The following STK3 variants were observed in gnomAD, a reference collection of about 807,000 sequenced individuals.
STK3 encodes serine/threonine kinase 3, also known as serine/threonine-protein kinase 3.
STK3 carries 41 observed loss-of-function variants against 58.0 expected under a neutral mutation model. The observed-to-expected ratio is 0.71, with a 90% CI of 0.55 to 0.92. The LOEUF (loss-of-function observed/expected upper bound fraction) is 0.92, where lower values mean the gene tolerates loss of function less well. Among genes scored for constraint, STK3 ranks in the 40% least tolerant of loss-of-function variants. The pLI is 0.00. For missense variants in STK3, 479 were observed against 602.7 expected, an observed-to-expected ratio of 0.79 and a Z score of 2.15; for synonymous variants, 170 against 191.0, an observed-to-expected ratio of 0.89 and a Z score of 0.91.
chr8:98,351,244 G>A, the STK3 span, among the ~76,000 whole-genome samples: 1 of 152,052 alleles, frequency 6.6e-6, no homozygotes, highest in African/African-American at 2.4e-5. Context: ...TTCGTGTAGA[G>A]CATTAAATAC....
intron 3 of STK3, among the ~76,000 whole-genome samples, chr8:98,421,562 G>A (rs1818173798): frequency 6.6e-6 from 1 of 152,110 alleles, no homozygotes; most frequent in African/African-American, 2.4e-5. Flanking sequence ...TCACTTTTAA[G>A]GTCAGGAGTT....
At chr8:98,773,374 C>A (rs1053360266) in intron 2 of STK3, among the ~76,000 whole-genome samples, 7 of 152,042 alleles carry the variant, frequency 4.6e-5, no homozygotes, top group African/African-American at 9.7e-5. Context: ...TTAGTTGAAA[C>A]CTTTTAAACT....
In STK3 at chr8:98,800,360, C is replaced by T. The variant is rs771414843; in HGVS notation, c.26+25155G>A. The stretch of plus-strand genomic sequence containing the variant: ...CCTATCCAGCAGGAAGTAGTTAGAG[C>T]GGTCATCGGCCAAATTCCCAACAGC... On this transcript the variant is annotated intron_variant, in intron 1 of 10. Transcript: ENST00000419617. The surrounding 1 kb of genome is among the most constrained non-coding windows in gnomAD (Gnocchi z 4.8). Among the ~76,000 whole-genome samples the T allele has an allele frequency of 1.4e-4, 21 of 152,196 alleles. No homozygotes were observed. Among genetic ancestry groups the T allele is most frequent in the African/African-American group, 3.9e-4 (16 of 41,442 alleles).
At position 98,758,189 on chromosome 8, in the gene STK3, G is replaced by A. The variant is rs78751073; in HGVS notation, c.237-8799C>T. On this transcript the variant is annotated intron_variant, in intron 3 of 10. Coordinates refer to ENST00000419617, the MANE Select transcript of STK3 (RefSeq NM_006281.4). ...TTTTCCAGAAAGAAACCTTGGATCA[G>A]GCAGATTCATAGCTGAATTTTGCTA... is the stretch of plus-strand genomic sequence containing the variant. 4.0e-3 allele frequency among the ~76,000 whole-genome samples: 611 copies of A among 152,296 alleles called. 3 individuals carry two copies. Among genetic ancestry groups the A allele is most frequent in the Non-Finnish European group, 6.3e-3 (426 of 68,022 alleles).
chr8:98,767,830 A>C (rs1831041860), intron 2 of STK3, among the ~76,000 whole-genome samples: 1 of 152,212 alleles, frequency 6.6e-6, no homozygotes. Flanking sequence ...GGACCATATT[A>C]ACATCAAAGT....
chr8:98,802,457 T>C (rs2131631173), intron 1 of STK3, among the ~76,000 whole-genome samples: 1 of 152,264 alleles, frequency 6.6e-6, no homozygotes, highest in African/African-American at 2.4e-5. Context: ...AAGGATGCAG[T>C]ATATATAGGG....
chr8:98,893,795 G>T (rs941847439), intron 1 of STK3, among the ~76,000 whole-genome samples: 9 of 152,212 alleles, frequency 5.9e-5, no homozygotes, highest in African/African-American at 2.2e-4. Context: ...GTGCCATGGA[G>T]AAGCTGCAAG....
At chr8:98,414,916 T>C (rs778804969) in intron 3 of STK3, among the ~76,000 whole-genome samples, 4 of 152,222 alleles carry the variant, frequency 2.6e-5, no homozygotes, top group Admixed American at 6.5e-5. Flanking sequence ...GTAGGAGAGA[T>C]GCCCACTAAT....
At chr8:98,769,294 T>C (rs1232501191) in intron 2 of STK3, among the ~76,000 whole-genome samples, 2 of 152,200 alleles carry the variant, frequency 1.3e-5, no homozygotes, top group Non-Finnish European at 2.9e-5. Context: ...AATTCCCACC[T>C]GTTGTGGTAG....
intron 4 of STK3, among the ~76,000 whole-genome samples, chr8:98,739,930 G>A (rs1427320795): frequency 1.6e-4 from 24 of 151,494 alleles, no homozygotes; most frequent in African/African-American, 5.6e-4. Flanking sequence ...GCCAAGGCTC[G>A]AGAACTACGT....
At chr8:98,492,046 A>T (rs1290138876) in intron 10 of STK3, among the ~76,000 whole-genome samples, 2 of 152,230 alleles carry the variant, frequency 1.3e-5, no homozygotes, top group African/African-American at 2.4e-5. Context: ...TAAGACAGAA[A>T]CATCATATTT....
At chr8:98,884,314 C>G (rs1344344168) in intron 1 of STK3, among the ~76,000 whole-genome samples, 1 of 152,136 alleles carries the variant, frequency 6.6e-6, no homozygotes, top group African/African-American at 2.4e-5. Flanking sequence ...GCTCTGGGCA[C>G]TTACTCAGGG....
At chr8:98,803,766 T>C (rs914886943) in intron 1 of STK3, among the ~76,000 whole-genome samples, 4 of 152,018 alleles carry the variant, frequency 2.6e-5, no homozygotes, top group African/African-American at 9.7e-5. Context: ...AATTATAAAA[T>C]CAGTTTTAAA....
chr8:98,749,998 T>A (rs921007001), intron 3 of STK3, among the ~76,000 whole-genome samples: 1 of 152,118 alleles, frequency 6.6e-6, no homozygotes, highest in Non-Finnish European at 1.5e-5. Context: ...CAAATGACCA[T>A]CAGCAATAAT....
intron 6 of STK3, among the ~76,000 whole-genome samples, chr8:98,620,524 A>G (rs1287071818): frequency 6.6e-6 from 1 of 150,876 alleles, no homozygotes; most frequent in African/African-American, 2.4e-5. Flanking sequence ...CAAAAAAAAA[A>G]AGAAGATGTC....
At chr8:98,704,861 T>C (rs1825862089) in intron 6 of STK3, among the ~76,000 whole-genome samples, 1 of 152,182 alleles carries the variant, frequency 6.6e-6, no homozygotes, top group Admixed American at 6.5e-5. Context: ...CCAGCTCTTG[T>C]ACTTACCTAG....
Position 98,837,858 on chromosome 8 carries a change from G to C in STK3, c.110+45789C>G, listed in dbSNP as rs892171283. ...GACATGGAAGGATCACTTGAGCCCAGGAGTTTGAGGCTGCAGTGAGCTATG... is the reference window on the plus strand; with the variant it reads ...GACATGGAAGGATCACTTGAGCCCACGAGTTTGAGGCTGCAGTGAGCTATG... On this transcript the variant is annotated intron_variant, in intron 3 of 12. Transcript: ENST00000523601. Among the ~76,000 whole-genome samples, 4 of 152,246 alleles carry C rather than the reference G, an allele frequency of 2.6e-5. 1 individual carries two copies. In the South Asian group the frequency reaches 8.3e-4, roughly 32 times the overall value.
chr8:98,879,889 T>C (rs1203636999), downstream of STK3: 3 of 152,250 alleles, frequency 2.0e-5, no homozygotes, highest in African/African-American at 7.2e-5. Context: ...ATCAATTTGC[T>C]GTTTCAACAA....
chr8:98,802,209 A>T (rs1343519409), intron 1 of STK3, among the ~76,000 whole-genome samples: 1 of 152,018 alleles, frequency 6.6e-6, no homozygotes, highest in Non-Finnish European at 1.5e-5. Flanking sequence ...TTCTGTCAAA[A>T]TTTTTCCTAG....
Sources: allele counts gnomAD v4.1 joint callset (sites outside exome capture counted in the v4.1 genomes callset), GRCh38; gene constraint gnomAD v4.1.1; non-coding constraint Gnocchi (gnomAD v3.1); transcripts MANE v1.5; gene names NCBI Gene and HGNC (gene_info 2026-07-23, HGNC 2026-07-21).